Variants in DSCAM observed in about 807,000 individuals in gnomAD.
DSCAM encodes cell adhesion molecule DSCAM.
Under a neutral mutation model 217.7 loss-of-function variants are expected in DSCAM, and 47 were observed. That is an observed-to-expected ratio of 0.22 (90% CI 0.17 to 0.28). DSCAM has a LOEUF of 0.28. DSCAM is among the 10% of genes least tolerant of loss of function. The probability of loss-of-function intolerance (pLI) is 1.00; values close to 1 mark genes in which losing one functional copy is unlikely to be tolerated. For missense variants in DSCAM, 2,080 were observed against 2,618.3 expected, an observed-to-expected ratio of 0.79 and a Z score of 4.49; for synonymous variants, 1,056 against 1,015.3, an observed-to-expected ratio of 1.04 and a Z score of -0.76.
intron 3 of DSCAM, among the ~76,000 whole-genome samples, chr21:40,398,902 TAAG>T (rs973474996): frequency 2.6e-5 from 4 of 152,192 alleles, no homozygotes; most frequent in African/African-American, 9.7e-5. Flanking sequence ...AGTTTCTTTC[TAAG>T]AAGAGGCAAT....
intron 3 of DSCAM, among the ~76,000 whole-genome samples, chr21:40,613,291 G>A (rs1305023313): frequency 6.6e-6 from 1 of 152,144 alleles, no homozygotes; most frequent in Non-Finnish European, 1.5e-5. Context: ...AAACCTAACT[G>A]ACATTCCATT....
intron 3 of DSCAM, among the ~76,000 whole-genome samples, chr21:40,677,329 C>G (rs1362101188): frequency 6.6e-6 from 1 of 151,932 alleles, no homozygotes; most frequent in African/African-American, 2.4e-5. Flanking sequence ...AAGGAAGACA[C>G]GATCCAACAT....
At chr21:40,046,288 T>C (rs2088839555) in intron 30 of DSCAM, among the ~76,000 whole-genome samples, 1 of 152,198 alleles carries the variant, frequency 6.6e-6, no homozygotes, top group Non-Finnish European at 1.5e-5. Flanking sequence ...TGCGTTAAGA[T>C]GGCAGCCAAA....
At chr21:40,107,662 T>C (rs1047645088) in intron 20 of DSCAM, among the ~76,000 whole-genome samples, 5 of 152,158 alleles carry the variant, frequency 3.3e-5, no homozygotes, top group African/African-American at 1.2e-4. Context: ...CTCTAAGAAC[T>C]TGCTTTATGA....
Position 40,258,366 on chromosome 21 carries a change from C to A in DSCAM, c.2356+17731G>T, listed in dbSNP as rs1019110607. On this transcript the variant is annotated intron_variant, in intron 11 of 32. Transcript: ENST00000400454. ...TGACAGGAACACATGAAATTGTTTC[C>A]AAGCTGAATGTCCAACTAAGATAAC... Among the ~76,000 whole-genome samples the A allele has an allele frequency of 5.3e-5, 8 of 152,270 alleles. No individual in the cohort carries two copies. In the East Asian group the frequency reaches 1.5e-3, roughly 29 times the overall value.
At chr21:40,433,387 G>A (rs1387222688) in intron 3 of DSCAM, among the ~76,000 whole-genome samples, 1 of 150,278 alleles carries the variant, frequency 6.7e-6, no homozygotes, top group Non-Finnish European at 1.5e-5. Flanking sequence ...CAGCAGGCAG[G>A]CACCAGCTGC....
At chr21:40,809,161 C>A (rs142327371) in intron 1 of DSCAM, among the ~76,000 whole-genome samples, 2 of 152,198 alleles carry the variant, frequency 1.3e-5, no homozygotes, top group African/African-American at 4.8e-5. Flanking sequence ...GCAGAAGTTC[C>A]AGGGTTCCCC....
At chr21:40,690,313 C>T (rs552834688) in intron 3 of DSCAM, among the ~76,000 whole-genome samples, 3 of 152,294 alleles carry the variant, frequency 2.0e-5, no homozygotes, top group African/African-American at 7.2e-5. Context: ...GATCATGCCA[C>T]TGCTTTGGGG....
rs374697546 is a variant in DSCAM, at chr21:40,364,356, T to C, written c.655+4743A>G. Among the ~76,000 whole-genome samples the C allele has an allele frequency of 5.3e-5, 8 of 152,100 alleles. No homozygotes were observed. The East Asian group carries it at 1.5e-3, about 29-fold the overall frequency. On this transcript the variant is annotated intron_variant, in intron 4 of 32. Transcript: ENST00000400454. The stretch of plus-strand genomic sequence containing the variant: ...TGGAATACTATGCAGCCATAAAAAA[T>C]GATGAGTTCATGTCCTTTGTAGGGA...
At chr21:40,576,501 TC>T (rs374521833) in intron 3 of DSCAM, among the ~76,000 whole-genome samples, 1 of 152,250 alleles carries the variant, frequency 6.6e-6, no homozygotes, top group African/African-American at 2.4e-5. Context: ...TTGGGTGTCT[TC>T]CAATGACAAA....
intron 3 of DSCAM, among the ~76,000 whole-genome samples, chr21:40,476,896 C>T (rs780389749): frequency 2.0e-5 from 3 of 152,146 alleles, no homozygotes; most frequent in Middle Eastern, 3.2e-3. Context: ...GTAGGAAAAA[C>T]GTTTACTTTC....
At chr21:40,032,856 CT>C (rs2088554008) in intron 32 of DSCAM, among the ~76,000 whole-genome samples, 1 of 152,144 alleles carries the variant, frequency 6.6e-6, no homozygotes, top group African/African-American at 2.4e-5. Context: ...ATGAAAGTTC[CT>C]TTTTATGTGT....
At chr21:40,046,776 G>T (rs565155656) in intron 30 of DSCAM, among the ~76,000 whole-genome samples, 1 of 151,768 alleles carries the variant, frequency 6.6e-6, no homozygotes, top group Admixed American at 6.6e-5. Flanking sequence ...AAGTTGGGGG[G>T]TGGTTGGGGG....
chr21:40,673,288 GC>G (rs34220086), intron 3 of DSCAM, among the ~76,000 whole-genome samples: 125,150 of 152,006 alleles, frequency 0.82, 52,745 homozygotes, highest in East Asian at 1. Flanking sequence ...TAAAAATGAT[GC>G]CCCCCCCAAA....
intron 10 of DSCAM, among the ~76,000 whole-genome samples, chr21:40,292,497 T>C (rs1015416061): frequency 1.3e-5 from 2 of 149,852 alleles, no homozygotes; most frequent in African/African-American, 4.9e-5. Context: ...GATTGGAAAA[T>C]GTCAAAAAAA....
chr21:40,626,110 T>C (rs1022534189), intron 3 of DSCAM, among the ~76,000 whole-genome samples: 94 of 152,182 alleles, frequency 6.2e-4, no homozygotes, highest in Non-Finnish European at 9.9e-4. Context: ...ATAAGACCGA[T>C]TCCTGATTTT....
At chr21:40,106,803 G>A (rs1424802528) in intron 20 of DSCAM, among the ~76,000 whole-genome samples, 1 of 151,922 alleles carries the variant, frequency 6.6e-6, no homozygotes, top group African/African-American at 2.4e-5. Context: ...ATTTCTGTGG[G>A]GCCAGTGGTA....
At chr21:40,652,894 G>T (rs981751734) in intron 3 of DSCAM, among the ~76,000 whole-genome samples, 11 of 152,222 alleles carry the variant, frequency 7.2e-5, no homozygotes, top group African/African-American at 2.6e-4. Flanking sequence ...CTGGAGGAGG[G>T]GTTGGAGACT....
At chr21:40,142,043 G>T (rs2090297760) in intron 18 of DSCAM, among the ~76,000 whole-genome samples, 1 of 146,362 alleles carries the variant, frequency 6.8e-6, no homozygotes, top group Middle Eastern at 3.2e-3. Context: ...GGGGAAGGAA[G>T]AGGAGAAAGA....
Sources: gnomAD v4.1 joint callset for allele counts (sites outside exome capture counted in the v4.1 genomes callset) on GRCh38, gnomAD v4.1.1 for gene constraint, MANE v1.5 for transcripts, NCBI Gene and HGNC (gene_info 2026-07-23, HGNC 2026-07-21) for gene names.